The following RALGPS1 variants were observed in gnomAD, a reference collection of about 807,000 sequenced individuals.
The protein encoded by RALGPS1 is ras-specific guanine nucleotide-releasing factor RalGPS1.
RALGPS1 carries 19 observed loss-of-function variants against 78.8 expected under a neutral mutation model. The observed-to-expected ratio is 0.24, with a 90% confidence interval of 0.17 to 0.35. The LOEUF (loss-of-function observed/expected upper bound fraction) is 0.35, where lower values mean the gene tolerates loss of function less well. Among genes scored for constraint, RALGPS1 ranks in the 10% least tolerant of loss-of-function variants. The pLI is 1.00. For synonymous variants in RALGPS1, 228 were observed against 256.3 expected, an observed-to-expected ratio of 0.89 and a Z score of 1.06; for missense variants, 454 against 688.3, an observed-to-expected ratio of 0.66 and a Z score of 3.81.
At chr9:127,034,900 C>T (rs936156199) in intron 5 of RALGPS1, among the ~76,000 whole-genome samples, 1 of 152,122 alleles carries the variant, frequency 6.6e-6, no homozygotes, top group Non-Finnish European at 1.5e-5. Context: ...TGTCAGGCCC[C>T]ATGTGTGTGG....
In RALGPS1 at chr9:126,914,807, T is replaced by A. The variant is rs1023198790; in HGVS notation, c.-234T>A. 4.6e-5 allele frequency: 7 copies of A among 152,230 alleles called. No homozygotes were observed. The highest frequency in any genetic ancestry group is 1.7e-4 in the African/African-American group (7 of 41,434). The allele number at this position is 152,230 out of a possible 1,614,324, so 9.4% of individuals were successfully genotyped here. On this transcript the variant is annotated 5_prime_UTR_variant, in exon 1 of 19. Transcript: ENST00000259351. ...AGGCCCTGGAGCGGACGGTTCCTAC[T>A]GCGGCTGGGCACCGGCTCCGCTCCC...
At chr9:127,097,956 C>T (rs2053316648) in intron 8 of RALGPS1, among the ~76,000 whole-genome samples, 1 of 152,172 alleles carries the variant, frequency 6.6e-6, no homozygotes, top group African/African-American at 2.4e-5. Context: ...ATGTCATGAA[C>T]CCAAGAGCGG....
chr9:127,094,042 C>A, intron 8 of RALGPS1: 1 of 1,227,300 alleles, frequency 8.1e-7, no homozygotes, highest in Non-Finnish European at 1.1e-6. Context: ...GCCACAGGCC[C>A]ACGGTCTGAG....
chr9:127,077,353 T>G (rs1056363898), intron 8 of RALGPS1, among the ~76,000 whole-genome samples: 3 of 152,190 alleles, frequency 2.0e-5, no homozygotes. Flanking sequence ...CTAAAACAGT[T>G]GTCAGAGAGT....
At chr9:127,079,386 C>T (rs2050966245) in intron 8 of RALGPS1, among the ~76,000 whole-genome samples, 1 of 152,236 alleles carries the variant, frequency 6.6e-6, no homozygotes, top group South Asian at 2.1e-4. Flanking sequence ...ATGTAGTAGA[C>T]AGCTCTTCAG....
intron 8 of RALGPS1, among the ~76,000 whole-genome samples, chr9:127,130,256 C>G (rs929772717): frequency 1.3e-5 from 2 of 152,210 alleles, no homozygotes; most frequent in African/African-American, 4.8e-5. Flanking sequence ...CCCAAGATGG[C>G]CGGGAGTAAA....
chr9:127,153,540 T>C (rs2058546606), intron 8 of RALGPS1, among the ~76,000 whole-genome samples: 2 of 151,856 alleles, frequency 1.3e-5, no homozygotes, highest in Non-Finnish European at 2.9e-5. Context: ...ATGTGGGAGG[T>C]CCTCAGTGAG....
chr9:126,925,658 C>T (rs1354857455), intron 1 of RALGPS1, among the ~76,000 whole-genome samples: 1 of 152,050 alleles, frequency 6.6e-6, no homozygotes, highest in Non-Finnish European at 1.5e-5. Flanking sequence ...TTGAGTCTAG[C>T]TTGGGCAACG....
intron 8 of RALGPS1, among the ~76,000 whole-genome samples, chr9:127,156,559 T>C (rs1326583372): frequency 6.6e-6 from 1 of 152,218 alleles, no homozygotes; most frequent in Non-Finnish European, 1.5e-5. Context: ...TATTTACATT[T>C]ATACTCTTCC....
At chr9:127,129,034 A>C (rs2056826061) in intron 8 of RALGPS1, among the ~76,000 whole-genome samples, 1 of 152,182 alleles carries the variant, frequency 6.6e-6, no homozygotes, top group Non-Finnish European at 1.5e-5. Flanking sequence ...GGTGTCACCT[A>C]ACAGCCAACA....
chr9:126,947,498 C>T (rs1469388801), intron 1 of RALGPS1, among the ~76,000 whole-genome samples: 1 of 152,164 alleles, frequency 6.6e-6, no homozygotes, highest in Non-Finnish European at 1.5e-5. Context: ...AATCAGAAAT[C>T]TGAAACACTT....
intron 1 of RALGPS1, among the ~76,000 whole-genome samples, chr9:126,958,142 A>AAAAATATATATATAT (rs113413659): frequency 2.9e-4 from 22 of 77,070 alleles, no homozygotes; most frequent in Admixed American, 8.9e-4. Flanking sequence ...AAAAAAAAAA[A>AAAAATATATATATAT]ATATATATAT....
intron 8 of RALGPS1, among the ~76,000 whole-genome samples, chr9:127,090,818 G>A (rs1183062407): frequency 6.6e-6 from 1 of 152,220 alleles, no homozygotes; most frequent in Admixed American, 6.5e-5. Flanking sequence ...AGACTGAGAG[G>A]CCTTCATCTC....
intron 1 of RALGPS1, among the ~76,000 whole-genome samples, chr9:126,918,452 G>A (rs890545047): frequency 2.6e-5 from 4 of 151,858 alleles, no homozygotes; most frequent in African/African-American, 9.7e-5. Flanking sequence ...TCCTCCCACC[G>A]TAGCCTCCCA....
chr9:127,052,709 C>G lies in RALGPS1; in HGVS notation c.391-138C>G, dbSNP rs931811456. The G allele has an allele frequency of 6.8e-5, 43 of 636,672 alleles. No homozygotes were observed. The East Asian group carries it at 1.2e-3, about 17-fold the overall frequency. The allele number at this position is 636,672 out of a possible 1,614,324, so 39.4% of individuals were successfully genotyped here. A position where few individuals can be genotyped will look rare whatever the true frequency, so the allele number is the denominator to read the frequency against. On this transcript the variant is annotated intron_variant, in intron 6 of 18. Coordinates refer to ENST00000259351, the MANE Select transcript of RALGPS1 (RefSeq NM_014636.3). The stretch of plus-strand genomic sequence containing the variant: ...AAAAAGCATATGGTTTCTATGAAAT[C>G]CTTAGAACTATGTTTTCCACATGAG...
At chr9:127,208,071 C>A (rs1050662728) in intron 14 of RALGPS1, among the ~76,000 whole-genome samples, 1 of 152,188 alleles carries the variant, frequency 6.6e-6, no homozygotes, top group Non-Finnish European at 1.5e-5. Flanking sequence ...CAGAGCTGGG[C>A]ATGCTCTTGT....
chr9:127,139,709 T>C (rs1311033462), intron 8 of RALGPS1, among the ~76,000 whole-genome samples: 6 of 152,196 alleles, frequency 3.9e-5, no homozygotes, highest in Non-Finnish European at 7.3e-5. Context: ...GTGGTCTCCC[T>C]GTGCCTCGGC....
rs1377483533 is a variant in RALGPS1, at chr9:127,196,566, C to A, written c.1130C>A (p.Ser377Tyr). The A allele has an allele frequency of 2.5e-6, 4 of 1,614,142 alleles. No homozygotes were observed. Among genetic ancestry groups the A allele is most frequent in the Non-Finnish European group, 1.7e-6 (2 of 1,179,968 alleles). Residue 377 changes from serine (S) to tyrosine (Y), a missense_variant, in exon 13 of 19, where the codon TCC becomes TAC. Ser to Tyr is a moderately radical substitution (Grantham distance 144). Transcript: ENST00000259351. ...CTACTGGACGACAGTGTCCTAGAGTCCCGCAGCCCCCGAAGGGGCCTGGCT... is the reference window on the plus strand; with the variant it reads ...CTACTGGACGACAGTGTCCTAGAGTACCGCAGCCCCCGAAGGGGCCTGGCT... ...RHLLDDSVLE[S>Y]RSPRRGLALT...
At chr9:126,990,289 C>A in intron 4 of RALGPS1, 2 of 330,864 alleles carry the variant, frequency 6.0e-6, no homozygotes, top group Non-Finnish European at 1.1e-5. Context: ...CCACTGCCAT[C>A]CCTCCCCTGA....
Sources: allele counts gnomAD v4.1 joint callset (sites outside exome capture counted in the v4.1 genomes callset), GRCh38; gene constraint gnomAD v4.1.1; transcripts MANE v1.5; gene names NCBI Gene and HGNC (gene_info 2026-07-23, HGNC 2026-07-21).